Variants in LRMDA observed in about 807,000 individuals in gnomAD.
LRMDA encodes leucine-rich melanocyte differentiation-associated protein.
A neutral mutation model predicts 29.8 loss-of-function variants in LRMDA; 18 were observed. The observed-to-expected ratio is 0.60, with a 90% CI of 0.42 to 0.90. LRMDA has a LOEUF of 0.90. Ranked by LOEUF, LRMDA falls within the 40% of genes least tolerant of loss-of-function variation. The pLI, the probability that LRMDA is intolerant of heterozygous loss-of-function variation, is 0.00. For synonymous variants in LRMDA, 125 were observed against 109.4 expected (o/e 1.14, Z -0.89); for missense variants, 273 against 273.9 (o/e 1.00, Z 0.02).
At chr10:76,177,889 T>C (rs1850970127) in intron 5 of LRMDA, among the ~76,000 whole-genome samples, 1 of 152,204 alleles carries the variant, frequency 6.6e-6, no homozygotes, top group African/African-American at 2.4e-5. Context: ...AGTAAGCTGG[T>C]CTGGTCTGTC....
chr10:75,997,265 T>A (rs1320344314), intron 2 of LRMDA, among the ~76,000 whole-genome samples: 1 of 152,194 alleles, frequency 6.6e-6, no homozygotes, highest in Non-Finnish European at 1.5e-5. Context: ...TTGAGATCCT[T>A]CTATAAAGAT....
chr10:76,253,584 C>A (rs1470821050), intron 5 of LRMDA, among the ~76,000 whole-genome samples: 3 of 151,822 alleles, frequency 2.0e-5, no homozygotes, highest in Non-Finnish European at 4.4e-5. Context: ...GATGTACTAG[C>A]TCTTAAAAGT....
chr10:75,697,852 C>CGT (rs904712132), intron 2 of LRMDA, among the ~76,000 whole-genome samples: 10 of 97,278 alleles, frequency 1.0e-4, no homozygotes, highest in East Asian at 5.0e-4. Flanking sequence ...TGTGTGTGTG[C>CGT]GTGTGTGTGT....
intron 5 of LRMDA, among the ~76,000 whole-genome samples, chr10:76,205,281 T>G (rs1310772442): frequency 6.6e-6 from 1 of 152,160 alleles, no homozygotes; most frequent in Non-Finnish European, 1.5e-5. Flanking sequence ...GGGGTGCCTC[T>G]TCTGTGTCTC....
At chr10:75,525,914 T>C (rs1232417072) in intron 2 of LRMDA, among the ~76,000 whole-genome samples, 2 of 151,854 alleles carry the variant, frequency 1.3e-5, no homozygotes, top group African/African-American at 4.8e-5. Flanking sequence ...ATTTATTACA[T>C]GGTTTTCTTT....
At chr10:75,477,556 G>A (rs1344168016) in intron 2 of LRMDA, among the ~76,000 whole-genome samples, 5 of 152,194 alleles carry the variant, frequency 3.3e-5, no homozygotes, top group Non-Finnish European at 7.3e-5. Flanking sequence ...CCTTAACTCT[G>A]TGCATGGTTG....
At chr10:76,238,581 G>A (rs1852206518) in intron 5 of LRMDA, among the ~76,000 whole-genome samples, 1 of 151,654 alleles carries the variant, frequency 6.6e-6, no homozygotes, top group Non-Finnish European at 1.5e-5. Context: ...GGGAAGGGCA[G>A]CAGGTAGAAA....
chr10:75,971,128 T>C (rs1846961155), intron 2 of LRMDA, among the ~76,000 whole-genome samples: 1 of 152,172 alleles, frequency 6.6e-6, no homozygotes, highest in African/African-American at 2.4e-5. Flanking sequence ...TCAGCACCCC[T>C]GAGTCAGTAC....
At chr10:76,123,521 C>CA (rs1031716040) in intron 5 of LRMDA, among the ~76,000 whole-genome samples, 2 of 152,064 alleles carry the variant, frequency 1.3e-5, no homozygotes, top group African/African-American at 4.8e-5. Flanking sequence ...AACACAAAAA[C>CA]AAAAACAAAA....
intron 6 of LRMDA, among the ~76,000 whole-genome samples, chr10:76,443,312 G>A (rs1324039849): frequency 1.3e-5 from 2 of 152,284 alleles, no homozygotes; most frequent in East Asian, 3.9e-4. Flanking sequence ...TTCAAGTTGG[G>A]TAATAGCCAT....
intron 2 of LRMDA, among the ~76,000 whole-genome samples, chr10:76,008,717 A>T (rs754490784): frequency 6.6e-6 from 1 of 152,218 alleles, no homozygotes; most frequent in South Asian, 2.1e-4. Flanking sequence ...GCCTCTGAAG[A>T]TGGAAGCAAT....
chr10:76,362,728 CTTTT>C (rs1369722467), intron 6 of LRMDA, among the ~76,000 whole-genome samples: 1 of 151,980 alleles, frequency 6.6e-6, no homozygotes, highest in Non-Finnish European at 1.5e-5. Flanking sequence ...AGCAATCTTT[CTTTT>C]GTCTTTGATT....
chr10:75,450,556 C>A (rs1844449557), intron 2 of LRMDA: 1 of 152,188 alleles, frequency 6.6e-6, no homozygotes, highest in South Asian at 2.1e-4. Context: ...GCGGTGTTAA[C>A]CCCCACACGG....
At chr10:75,477,446 T>C (rs536491409) in intron 2 of LRMDA, among the ~76,000 whole-genome samples, 1 of 152,348 alleles carries the variant, frequency 6.6e-6, no homozygotes, top group Admixed American at 6.5e-5. Flanking sequence ...CCCTTATTTC[T>C]ACCTTTGCCT....
In LRMDA at chr10:75,431,642, C is replaced by G; in HGVS notation, c.-83C>G. 2 of 1,168,526 alleles carry G rather than the reference C, an allele frequency of 1.7e-6. No homozygotes were observed. Among genetic ancestry groups the G allele is most frequent in the East Asian group, 7.3e-5 (2 of 27,222 alleles). 72.4% of individuals were successfully genotyped at this position (1,168,526 alleles called of 1,614,324 possible). ...ACTGCCCAGTGCGGAACTGTGCGCC[C>G]GCCGCGCTCCCCTGCCGCGCTCCCC... On this transcript the variant is annotated 5_prime_UTR_variant, in exon 1 of 7. Transcript: ENST00000611255.
intron 2 of LRMDA, among the ~76,000 whole-genome samples, chr10:75,522,177 T>C (rs545555187): frequency 6.6e-6 from 1 of 152,328 alleles, no homozygotes; most frequent in Non-Finnish European, 1.5e-5. Flanking sequence ...TTAGTCCTTA[T>C]TACAGCCCTG....
chr10:75,853,433 G>GGTGTGTGTGTGTGTGTGT (rs3042495), intron 2 of LRMDA, among the ~76,000 whole-genome samples: 1 of 147,508 alleles, frequency 6.8e-6, no homozygotes, highest in African/African-American at 2.5e-5. Flanking sequence ...AAAGAAGAGG[G>GGTGTGTGTGTGTGTGTGT]GTGTGTGTGT....
At chr10:75,880,355 G>A (rs1052142344) in intron 2 of LRMDA, among the ~76,000 whole-genome samples, 1 of 152,148 alleles carries the variant, frequency 6.6e-6, no homozygotes, top group South Asian at 2.1e-4. Context: ...AGTACTAAAA[G>A]GTCATTCAAA....
intron 2 of LRMDA, among the ~76,000 whole-genome samples, chr10:75,925,477 A>T (rs1034354896): frequency 6.6e-6 from 1 of 152,154 alleles, no homozygotes; most frequent in Non-Finnish European, 1.5e-5. Flanking sequence ...ATCTTAAAAA[A>T]TATATTCTGA....
Sources: gnomAD v4.1 joint callset for allele counts (sites outside exome capture counted in the v4.1 genomes callset) on GRCh38, gnomAD v4.1.1 for gene constraint, MANE v1.5 for transcripts, NCBI Gene and HGNC (gene_info 2026-07-23, HGNC 2026-07-21) for gene names.